Variants in RNF166 observed in about 807,000 individuals in gnomAD.
RNF166 encodes ring finger protein 166.
Under a neutral mutation model 29.4 loss-of-function variants are expected in RNF166, and 19 were observed. The ratio of observed to expected loss-of-function variants is 0.65; its 90% CI spans 0.45 to 0.95. The LOEUF (loss-of-function observed/expected upper bound fraction) is 0.95. RNF166 is among the 40% of genes least tolerant of loss of function. The pLI, the probability that RNF166 is intolerant of heterozygous loss-of-function variation, is 0.00. For missense variants in RNF166, 347 were observed against 322.1 expected (o/e 1.08, Z -0.59); for synonymous variants, 171 against 134.5 (o/e 1.27, Z -1.88).
At chr16:88,701,232 GGCTC>G in intron 2 of RNF166, 26 bp downstream of exon 2, 1 of 1,609,994 alleles carries the variant, frequency 6.2e-7, no homozygotes, top group East Asian at 2.2e-5. Flanking sequence ...AAGTGACCCC[GGCTC>G]CAGGGCGGCC....
chr16:88,704,637 G>A (rs1379711393), intron 1 of RNF166: 3 of 809,352 alleles, frequency 3.7e-6, no homozygotes, highest in Non-Finnish European at 3.0e-6. Flanking sequence ...GCCTCACAGC[G>A]CTCAGTAACA....
At chr16:88,702,838 G>A in intron 1 of RNF166, 3 of 985,510 alleles carry the variant, frequency 3.0e-6, no homozygotes, top group Non-Finnish European at 2.4e-6. Context: ...ACTGACCCCT[G>A]GATTTGAGCC....
At chr16:88,700,345 G>A (rs1910089446) in intron 2 of RNF166, among the ~76,000 whole-genome samples, 1 of 152,168 alleles carries the variant, frequency 6.6e-6, no homozygotes, top group African/African-American at 2.4e-5. Flanking sequence ...AGCTGCTGTG[G>A]GATACGGGAG....
chr16:88,704,990 C>CA (rs796619927), intron 1 of RNF166, among the ~76,000 whole-genome samples: 11 of 151,414 alleles, frequency 7.3e-5, no homozygotes, highest in South Asian at 2.1e-4. Flanking sequence ...GACTCTGTCT[C>CA]AAAAAAAAAT....
Position 88,703,712 on chromosome 16 carries a change from G to C in RNF166, c.156-2294C>G, listed in dbSNP as rs1051771054. 10 of 985,358 alleles carry C rather than the reference G, an allele frequency of 1.0e-5. No individual in the cohort carries two copies. The African/African-American group carries it at 1.7e-4, about 17-fold the overall frequency. The allele number at this position is 985,358 out of a possible 1,614,324, so 61.0% of individuals were successfully genotyped here. A position where few individuals can be genotyped will look rare whatever the true frequency, so the allele number is the denominator to read the frequency against. On this transcript the variant is annotated intron_variant, in intron 1 of 5. Transcript: ENST00000312838. ...GCTGAAGGAAGTGGCTGAGGGCGAT[G>C]GGTGTGGGGGCGTCGACAGCCTTAC...
At chr16:88,704,643 T>C (rs1373917780) in intron 1 of RNF166, 1 of 778,078 alleles carries the variant, frequency 1.3e-6, no homozygotes, top group Non-Finnish European at 1.6e-6. Context: ...CAGCGCTCAG[T>C]AACAGATGAG....
rs894203549 is a variant in RNF166 at position 88,697,361 on chromosome 16, G to A, written c.*207C>T. 3 of 476,934 alleles carry A rather than the reference G, an allele frequency of 6.3e-6. No homozygotes were observed. Among genetic ancestry groups the A allele is most frequent in the South Asian group, 6.0e-5 (2 of 33,610 alleles). The allele number at this position is 476,934 out of a possible 1,614,324, so 29.5% of individuals were successfully genotyped here. A position where few individuals can be genotyped will look rare whatever the true frequency, so the allele number is the denominator to read the frequency against. On this transcript the variant is annotated 3_prime_UTR_variant, in exon 6 of 6. Transcript: ENST00000312838. ...AAGCACCGAAGAACCCAGCGACGCC[G>A]GTGGGACCAGGCGGCCCTGCTCTGG...
chr16:88,697,607 G>A lies in RNF166; in HGVS notation c.675C>T (p.Ala225=), dbSNP rs1338589399. 6.4e-7 allele frequency: 1 copy of A among 1,552,084 alleles called. No homozygotes were observed. The highest frequency in any genetic ancestry group is 8.7e-7 in the Non-Finnish European group (1 of 1,147,742). The change falls in exon 6 of 6, where the codon GCC becomes GCT. Residue 225 remains alanine, a synonymous_variant. Transcript: ENST00000312838. ...GAGACAGGGCCAGAGCAGCCTGGAA[G>A]GCGGCCTCCTCGTCAATACTGTAGT... ...FVDYSIDEEA[A]FQAALALSLS...
At chr16:88,704,040 AG>A in intron 1 of RNF166, 1 of 985,414 alleles carries the variant, frequency 1.0e-6, no homozygotes, top group African/African-American at 1.7e-5. Flanking sequence ...CTGGGCCCCC[AG>A]GGGGCCTCCT....
rs1208663293 is a variant in RNF166, at chr16:88,700,784, G to A, written c.312+478C>T. The A allele has an allele frequency of 3.3e-5, 33 of 1,013,026 alleles. No homozygotes were observed. In the East Asian group the frequency reaches 1.1e-3, roughly 33 times the overall value. The allele number at this position is 1,013,026 out of a possible 1,614,324, so 62.8% of individuals were successfully genotyped here. A position where few individuals can be genotyped will look rare whatever the true frequency, so the allele number is the denominator to read the frequency against. On this transcript the variant is annotated intron_variant, in intron 2 of 5. Coordinates refer to ENST00000312838, the MANE Select transcript of RNF166 (RefSeq NM_178841.4). ...CCCATGACAAGCTGCAGGCCCTTAC[G>A]CTGCTCTGATGTGGGTGTGGCAGTG...
intron 2 of RNF166, among the ~76,000 whole-genome samples, chr16:88,700,265 A>G (rs991292634): frequency 6.6e-6 from 1 of 152,154 alleles, no homozygotes; most frequent in African/African-American, 2.4e-5. Context: ...CTGGACTCCG[A>G]GGGATGCACC....
intron 1 of RNF166, chr16:88,703,113 C>T (rs776849931): frequency 9.2e-5 from 91 of 985,420 alleles, no homozygotes; most frequent in Non-Finnish European, 1.0e-4. Flanking sequence ...ACGTCCCACC[C>T]GTGTCGTGGG....
At chr16:88,702,659 C>G (rs1910371440) in intron 1 of RNF166, 1 of 965,668 alleles carries the variant, frequency 1.0e-6, no homozygotes, top group Non-Finnish European at 1.2e-6. Context: ...CACCACCTGG[C>G]TGGTGGCTCC....
intron 2 of RNF166, 133 bp from the exon 3 acceptor site, chr16:88,699,865 C>A: frequency 1.7e-6 from 1 of 603,230 alleles, no homozygotes. Flanking sequence ...CAGGGGGACC[C>A]GGTCCCTTCT....
chr16:88,699,002 A>C lies in RNF166; in HGVS notation c.509T>G (p.Val170Gly). 6.2e-7 allele frequency: 1 copy of C among 1,606,906 alleles called. No homozygotes were observed. Among genetic ancestry groups the C allele is most frequent in the Non-Finnish European group, 8.5e-7 (1 of 1,177,270 alleles). Residue 170 changes from valine to glycine, a missense_variant, in exon 4 of 6, where the codon GTG becomes GGG. By Grantham distance (109) the Val-to-Gly change is moderately radical (BLOSUM62 -3). Coordinates refer to ENST00000312838, the MANE Select transcript of RNF166 (RefSeq NM_178841.4). ...LDQQELVKHCVESHRSDPNRV... is the reference protein window; with the variant it reads ...LDQQELVKHCGESHRSDPNRV... ...GTTGGGGTCGCTGCGGTGGCTTTCC[A>C]CACAGTGCTTCACCAGCTCCTGCTG...
rs756401046 is a variant in RNF166 at position 88,701,266 on chromosome 16, T to C, written c.308A>G (p.Lys103Arg). 4.3e-6 allele frequency: 7 copies of C among 1,613,458 alleles called. No individual in the cohort carries two copies. The highest frequency in any genetic ancestry group is 2.2e-5 in the South Asian group (2 of 91,088). The change falls in exon 2 of 6, where the codon AAA becomes AGA. Residue 103 changes from lysine (K) to arginine (R), a missense_variant. Coordinates refer to ENST00000312838, the MANE Select transcript of RNF166 (RefSeq NM_178841.4). ...GCGGCCCAAGCAGGCGGGTACCTTT[T>C]TGTTGCAGCCTCGACAGGGCGCTTT... Reference protein sequence around the residue: ...SYKAPCRGCNKKVTLAKMRVH... With the variant: ...SYKAPCRGCNRKVTLAKMRVH...
chr16:88,697,732 T>C (rs1161282379), intron 5 of RNF166, 99 bp from the exon 6 acceptor site: 18 of 869,052 alleles, frequency 2.1e-5, no homozygotes, highest in Non-Finnish European at 3.4e-5. Flanking sequence ...CCTTCCTGCC[T>C]CCCTCCAGCA....
chr16:88,698,866 T>C, intron 4 of RNF166, 105 bp downstream of exon 4: 1 of 908,122 alleles, frequency 1.1e-6, no homozygotes, highest in East Asian at 2.7e-5. Flanking sequence ...GAGGCCTTTG[T>C]GGCCTGGGCA....
chr16:88,699,997 G>A (rs1029070359), intron 2 of RNF166: 3 of 309,058 alleles, frequency 9.7e-6, no homozygotes, highest in Non-Finnish European at 1.2e-5. Context: ...AACAGGTAAG[G>A]AGATCTCTGG....
Sources: gnomAD v4.1 joint callset for allele counts (sites outside exome capture counted in the v4.1 genomes callset) on GRCh38, gnomAD v4.1.1 for gene constraint, MANE v1.5 for transcripts, NCBI Gene and HGNC (gene_info 2026-07-23, HGNC 2026-07-21) for gene names.